The following PANK1 variants were observed in gnomAD, a reference collection of about 807,000 sequenced individuals.
PANK1 encodes pantothenic acid kinase 1.
In PANK1, 18 loss-of-function variants were observed where a neutral mutation model predicts 40.1. The ratio of observed to expected loss-of-function variants is 0.45; its 90% confidence interval spans 0.31 to 0.67. PANK1 has a LOEUF of 0.67. Among genes scored for constraint, PANK1 ranks in the 30% least tolerant of loss-of-function variants. The pLI is 0.06. For synonymous variants in PANK1, 242 were observed against 237.7 expected (o/e 1.02, Z -0.17); for missense variants, 457 against 599.6 (o/e 0.76, Z 2.48).
intron 2 of PANK1, among the ~76,000 whole-genome samples, chr10:89,609,127 C>T (rs189575391): frequency 2.6e-5 from 4 of 152,334 alleles, no homozygotes; most frequent in East Asian, 1.9e-4. Flanking sequence ...TGCAATGGCA[C>T]GATCTCGGCT....
At chr10:89,616,607 G>A (rs1845326461) in intron 1 of PANK1, among the ~76,000 whole-genome samples, 1 of 152,032 alleles carries the variant, frequency 6.6e-6, no homozygotes, top group African/African-American at 2.4e-5. Flanking sequence ...TCTGGCCTGG[G>A]CAGCAAAGCG....
rs768162765 is a variant in PANK1, at chr10:89,584,516, T to C, written c.1327-51A>G. On this transcript the variant is annotated intron_variant, in intron 6 of 6. Coordinates refer to ENST00000307534, the MANE Select transcript of PANK1 (RefSeq NM_148977.3). ...TCTCTGAACCTTAGCCAAATATGTA[T>C]TGTTTTTAATAATTCTAGGAATGCC... 4 of 1,189,076 alleles carry C rather than the reference T, an allele frequency of 3.4e-6. No homozygotes were observed. In the Admixed American group the frequency reaches 5.4e-5, roughly 16 times the overall value. The allele number at this position is 1,189,076 out of a possible 1,614,324, so 73.7% of individuals were successfully genotyped here.
At chr10:89,628,744 G>C (rs1841547148) in intron 1 of PANK1, among the ~76,000 whole-genome samples, 1 of 145,260 alleles carries the variant, frequency 6.9e-6, no homozygotes, top group African/African-American at 2.5e-5. Context: ...AGTTCTTAAA[G>C]ATAATCTTTC....
chr10:89,601,512 AT>A lies in PANK1; in HGVS notation c.646-2008del, dbSNP rs1204934145. ...CAAACAAAAAAAGAGCTAAAACAAA[AT>A]TTTTGACTTCATGTTACTCATTTGA... is the stretch of plus-strand genomic sequence containing the variant. On this transcript the variant is annotated intron_variant, in intron 2 of 6. Coordinates refer to ENST00000307534, the MANE Select transcript of PANK1 (RefSeq NM_148977.3). Among the ~76,000 whole-genome samples, 4 of 151,988 alleles carry A rather than the reference AT, an allele frequency of 2.6e-5. No individual in the cohort carries two copies. In the East Asian group the frequency reaches 7.7e-4, roughly 29 times the overall value.
chr10:89,639,267 C>T, intron 1 of PANK1: 1 of 444,376 alleles, frequency 2.3e-6, no homozygotes, highest in Non-Finnish European at 4.5e-6. Context: ...AGAGATTGAA[C>T]TTGCAGCCTC....
intron 1 of PANK1, among the ~76,000 whole-genome samples, chr10:89,625,538 A>C (rs1845636275): frequency 6.6e-6 from 1 of 152,178 alleles, no homozygotes; most frequent in Admixed American, 6.5e-5. Flanking sequence ...CCATCTTAAA[A>C]GTAAGCATAC....
At chr10:89,611,073 T>C (rs1044329086) in intron 2 of PANK1, among the ~76,000 whole-genome samples, 2 of 152,234 alleles carry the variant, frequency 1.3e-5, no homozygotes, top group Admixed American at 6.5e-5. Context: ...ATGAGCAACG[T>C]ACAGTTTGTA....
chr10:89,596,916 T>C (rs1844626510), intron 3 of PANK1, among the ~76,000 whole-genome samples: 1 of 152,230 alleles, frequency 6.6e-6, no homozygotes, highest in Non-Finnish European at 1.5e-5. Flanking sequence ...TGAAGTACTA[T>C]TTCTTCCATT....
rs1203710530 is a variant in PANK1 at position 89,593,840 on chromosome 10, C to T, written c.1049G>A (p.Gly350Asp). 4 of 1,613,724 alleles carry T rather than the reference C, an allele frequency of 2.5e-6. No individual in the cohort carries two copies. The highest frequency in any genetic ancestry group is 3.4e-6 in the Non-Finnish European group (4 of 1,179,772). ...TGATGCTACAGCAGATCCTTGAAGG[C>T]CAAATCGTTCATAGTCTCCTCCGTA... ...DIYGGDYERF[G>D]LQGSAVASSF... Residue 350 changes from glycine (G) to aspartate (D), a missense_variant, in exon 4 of 7, where the codon GGC becomes GAC. Transcript: ENST00000307534.
chr10:89,589,291 G>A (rs1013502392), intron 5 of PANK1, among the ~76,000 whole-genome samples: 4 of 152,104 alleles, frequency 2.6e-5, no homozygotes, highest in African/African-American at 9.7e-5. Flanking sequence ...GATATGTGGT[G>A]GAATATCCTG....
At position 89,584,438 on chromosome 10, in the gene PANK1, AC is replaced by A; in HGVS notation, c.1353del (p.Leu452TrpfsTer6). 6.2e-7 allele frequency: 1 copy of A among 1,609,734 alleles called. No individual in the cohort carries two copies. Among genetic ancestry groups the A allele is most frequent in the Non-Finnish European group, 8.5e-7 (1 of 1,175,990 alleles). On this transcript the variant is annotated frameshift_variant, in exon 7 of 7. Transcript: ENST00000307534. LOFTEE classifies it high-confidence loss of function. ...HEGYFGAVGA[L>X]LELFKMTDDK ...TCATCAGTCATTTTGAACAGTTCCAACAGTGCCCCAACGGCTCCAAAATAAC... is the reference window on the plus strand; with the variant it reads ...TCATCAGTCATTTTGAACAGTTCCAAAGTGCCCCAACGGCTCCAAAATAAC...
chr10:89,624,967 C>T (rs1845614957), intron 1 of PANK1, among the ~76,000 whole-genome samples: 1 of 152,152 alleles, frequency 6.6e-6, no homozygotes, highest in Non-Finnish European at 1.5e-5. Flanking sequence ...GGTGTCATCA[C>T]AGCTCACTGC....
intron 1 of PANK1, among the ~76,000 whole-genome samples, chr10:89,624,491 A>G (rs780029133): frequency 1.2e-4 from 18 of 152,160 alleles, no homozygotes; most frequent in Non-Finnish European, 2.1e-4. Flanking sequence ...TTTGCTCTAC[A>G]CCCATCTTCA....
At position 89,588,717 on chromosome 10, in the gene PANK1, G is replaced by A. The variant is rs1232768031; in HGVS notation, c.1261C>T (p.Leu421=). 1 of 1,605,894 alleles carries A rather than the reference G, an allele frequency of 6.2e-7. No homozygotes were observed. The highest frequency in any genetic ancestry group is 1.7e-5 in the Admixed American group (1 of 59,358). The change falls in exon 6 of 7, where the codon CTG becomes TTG. Residue 421 remains leucine, a synonymous_variant. Coordinates refer to ENST00000307534, the MANE Select transcript of PANK1 (RefSeq NM_148977.3). ...CAAAAATCCATGGCATATGCCAGCA[G>A]CTTCATGGAGACCATATTGATTCTG... ...FLRINMVSMK[L]LAYAMDFWSK...
In PANK1 at chr10:89,644,785, T is replaced by A. The variant is rs1177616655; in HGVS notation, c.107A>T (p.His36Leu). Residue 36 changes from histidine to leucine, a missense_variant, in exon 1 of 7, where the codon CAT becomes CTT. Around this residue, in one of 4 missense-constraint regions of PANK1, gnomAD observed 144 missense variants for 131.2 expected, o/e 1.10. Coordinates refer to ENST00000307534, the MANE Select transcript of PANK1 (RefSeq NM_148977.3). ...GTGCGGCGGCTGGACTGGCGGCGGA[T>A]GGAAGCCGTTGTGCAGCAGCCCGTT... ...AVNGLLHNGF[H>L]PPPVQPPHVC... The A allele has an allele frequency of 1.3e-6, 2 of 1,493,554 alleles. No homozygotes were observed. The highest frequency in any genetic ancestry group is 1.8e-6 in the Non-Finnish European group (2 of 1,129,030). 92.5% of individuals were successfully genotyped at this position (1,493,554 alleles called of 1,614,324 possible). A position where few individuals can be genotyped will look rare whatever the true frequency, so the allele number is the denominator to read the frequency against.
Position 89,622,596 on chromosome 10 carries a change from G to A in PANK1, c.293-10548C>T, listed in dbSNP as rs75169424. Among the ~76,000 whole-genome samples the A allele has an allele frequency of 1.2e-3, 185 of 152,228 alleles. 2 individuals are homozygous for A. The highest frequency in any genetic ancestry group is 4.2e-3 in the African/African-American group (176 of 41,524). ...CATGCCTGTAATCCCAGCACTTTAG[G>A]AGGCCGAGGTGGGCGGATCACGAGG... On this transcript the variant is annotated intron_variant, in intron 1 of 6. Coordinates refer to ENST00000307534, the MANE Select transcript of PANK1 (RefSeq NM_148977.3).
intron 1 of PANK1, among the ~76,000 whole-genome samples, chr10:89,628,436 C>T (rs891102610): frequency 1.5e-3 from 86 of 58,740 alleles, no homozygotes; most frequent in Middle Eastern, 6.3e-3. Context: ...GAAAAGATCA[C>T]GTATGATATG....
intron 1 of PANK1, among the ~76,000 whole-genome samples, chr10:89,642,214 G>A (rs987790730): frequency 2.6e-5 from 4 of 152,136 alleles, no homozygotes; most frequent in East Asian, 1.9e-4. Context: ...ATTAAAATTT[G>A]TTAAATAATC....
At chr10:89,601,062 G>T (rs1241939928) in intron 2 of PANK1, among the ~76,000 whole-genome samples, 1 of 152,046 alleles carries the variant, frequency 6.6e-6, no homozygotes, top group African/African-American at 2.4e-5. Context: ...ATGACTTGCT[G>T]TACTTCTCGT....
Sources: gnomAD v4.1 joint callset for allele counts (sites outside exome capture counted in the v4.1 genomes callset) on GRCh38, gnomAD v4.1.1 for gene constraint, gnomAD v4.1.1 regional missense constraint, MANE v1.5 for transcripts, NCBI Gene and HGNC (gene_info 2026-07-23, HGNC 2026-07-21) for gene names.